Variants in CUX2 observed in about 807,000 individuals in gnomAD.
CUX2 encodes cut like homeobox 2.
CUX2 carries 40 observed loss-of-function variants against 144.8 expected under a neutral mutation model. That is an observed-to-expected ratio of 0.28 (90% CI 0.21 to 0.36). The LOEUF is 0.36. Ranked by LOEUF, CUX2 falls within the 10% of genes least tolerant of loss-of-function variation. CUX2 has a pLI of 1.00. For synonymous variants in CUX2, 827 were observed against 875.6 expected (o/e 0.94, Z 0.98); for missense variants, 1,615 against 1,994.0 (o/e 0.81, Z 3.62).
chr12:111,189,980 T>C (rs150985918), intron 1 of CUX2, among the ~76,000 whole-genome samples: 23 of 152,350 alleles, frequency 1.5e-4, no homozygotes, highest in South Asian at 8.3e-4. Context: ...CACATCCTTG[T>C]CAACACTTGG....
chr12:111,269,174 T>G (rs890157292), intron 4 of CUX2, among the ~76,000 whole-genome samples: 3 of 152,212 alleles, frequency 2.0e-5, no homozygotes, highest in African/African-American at 7.2e-5. Context: ...ACTATTCTCC[T>G]TATCATATAT....
At chr12:111,191,483 C>A (rs1217138407) in intron 1 of CUX2, among the ~76,000 whole-genome samples, 1 of 152,090 alleles carries the variant, frequency 6.6e-6, no homozygotes, top group Admixed American at 6.5e-5. Context: ...AGGCACACGC[C>A]ACCACGCCAG....
In CUX2 at chr12:111,068,602, G is replaced by T. The variant is rs1301535989; in HGVS notation, c.63+34362G>T. 6.6e-6 allele frequency among the ~76,000 whole-genome samples: 1 copy of T among 152,250 alleles called. No homozygotes were observed. The highest frequency in any genetic ancestry group is 2.4e-5 in the African/African-American group (1 of 41,472). On this transcript the variant is annotated intron_variant, in intron 1 of 21. Transcript: ENST00000261726. The surrounding 1 kb of genome is among the most constrained non-coding windows in gnomAD (Gnocchi z 4.9). ...AAAGCGATGCTGGTTTGAGCAGCTG[G>T]TGTTTTCTCCTGTGTTCCCGGCAGG...
chr12:111,136,533 G>GT (rs1875900157), intron 1 of CUX2, among the ~76,000 whole-genome samples: 1 of 152,202 alleles, frequency 6.6e-6, no homozygotes, highest in Admixed American at 6.5e-5. Context: ...GGGCCAGGAG[G>GT]TTTTGTGTCA....
In CUX2 at chr12:111,338,044, A is replaced by G. The variant is rs558905644; in HGVS notation, c.3197-242A>G. The stretch of plus-strand genomic sequence containing the variant: ...GTGAAACTCTGTCTCAAAAAAAGAA[A>G]AAAAAAAAAAGCTCTTTTGTTGGTT... On this transcript the variant is annotated intron_variant, in intron 19 of 21. Transcript: ENST00000261726. Among the ~76,000 whole-genome samples the G allele has an allele frequency of 4.6e-5, 7 of 152,144 alleles. 1 individual carries two copies. The East Asian group carries it at 1.4e-3, about 29-fold the overall frequency.
intron 1 of CUX2, among the ~76,000 whole-genome samples, chr12:111,210,648 T>G (rs1279579841): frequency 5.3e-5 from 8 of 151,880 alleles, no homozygotes; most frequent in Non-Finnish European, 8.8e-5. Flanking sequence ...AATGCAAAAA[T>G]TAGCTAGGCA....
At chr12:111,166,057 C>T (rs1878121396) in intron 1 of CUX2, among the ~76,000 whole-genome samples, 1 of 152,170 alleles carries the variant, frequency 6.6e-6, no homozygotes, top group African/African-American at 2.4e-5. Flanking sequence ...GTCTCGCTGT[C>T]ACCCAGGCTG....
intron 3 of CUX2, among the ~76,000 whole-genome samples, chr12:111,228,214 AGCACAGT>A (rs760155950): frequency 6.6e-6 from 1 of 152,162 alleles, no homozygotes; most frequent in Non-Finnish European, 1.5e-5. Context: ...AAGATAGTAT[AGCACAGT>A]GGTTAGGAGT....
At chr12:111,249,439 TTTTTTG>T (rs1423433989) in intron 3 of CUX2, among the ~76,000 whole-genome samples, 8 of 124,916 alleles carry the variant, frequency 6.4e-5, no homozygotes, top group African/African-American at 2.8e-4. Context: ...AATAGACCCT[TTTTTTG>T]TTTTTTTTTT....
At chr12:111,276,791 G>A (rs1884898665) in intron 4 of CUX2, among the ~76,000 whole-genome samples, 1 of 152,110 alleles carries the variant, frequency 6.6e-6, no homozygotes, top group South Asian at 2.1e-4. Context: ...GGGACTACAG[G>A]CGCGAGCCAC....
chr12:111,290,111 G>T (rs1192495000), intron 4 of CUX2, among the ~76,000 whole-genome samples: 3 of 152,196 alleles, frequency 2.0e-5, no homozygotes, highest in Admixed American at 2.0e-4. Context: ...TTGGAGGTCT[G>T]CAAGGCACAG....
Position 111,272,006 on chromosome 12 carries a change from G to A in CUX2, c.301+8167G>A, listed in dbSNP as rs148673548. Among the ~76,000 whole-genome samples, 4 of 152,260 alleles carry A rather than the reference G, an allele frequency of 2.6e-5. No homozygotes were observed. In the East Asian group the frequency reaches 7.7e-4, roughly 29 times the overall value. On this transcript the variant is annotated intron_variant, in intron 4 of 21. Transcript: ENST00000261726. ...TATTTGCAGAAAGCAAGAAATCTTAGCAAATCTTTGCTTTGTAGCTTCTGA... is the reference window on the plus strand; with the variant it reads ...TATTTGCAGAAAGCAAGAAATCTTAACAAATCTTTGCTTTGTAGCTTCTGA...
chr12:111,102,633 C>T (rs1765440787), intron 1 of CUX2, among the ~76,000 whole-genome samples: 2 of 152,174 alleles, frequency 1.3e-5, no homozygotes, highest in South Asian at 2.1e-4. Flanking sequence ...TGTAGAAACC[C>T]CTCAAAGTAA....
chr12:111,157,855 T>C (rs1486745197), intron 1 of CUX2, among the ~76,000 whole-genome samples: 1 of 152,118 alleles, frequency 6.6e-6, no homozygotes, highest in East Asian at 1.9e-4. Context: ...CCAGGAGATG[T>C]ATTTGAAGAG....
At chr12:111,183,018 G>C (rs775186399) in intron 1 of CUX2, among the ~76,000 whole-genome samples, 1 of 152,206 alleles carries the variant, frequency 6.6e-6, no homozygotes, top group Non-Finnish European at 1.5e-5. Context: ...CTTGGGAGGA[G>C]GTTATAATTC....
chr12:111,042,082 A>C (rs997321276), intron 1 of CUX2, among the ~76,000 whole-genome samples: 7 of 152,182 alleles, frequency 4.6e-5, no homozygotes, highest in Non-Finnish European at 1.0e-4. Flanking sequence ...ACAAAGAAAG[A>C]AAGAAAGAAA....
At chr12:111,220,601 T>A (rs1881793961) in intron 3 of CUX2, among the ~76,000 whole-genome samples, 1 of 151,548 alleles carries the variant, frequency 6.6e-6, no homozygotes, top group African/African-American at 2.4e-5. Context: ...CTCTGGCAAA[T>A]AAGGCTAACA....
rs766025413 is a variant in CUX2 at position 111,338,242 on chromosome 12, T to C, written c.3197-44T>C. On this transcript the variant is annotated intron_variant, in intron 19 of 21. Coordinates refer to ENST00000261726, the MANE Select transcript of CUX2 (RefSeq NM_015267.4). ...TGTCTCTCCTGGGAGTAGGCTTCTC[T>C]GCCCAGCCTCGGGTAACAGATTGCT... 25 of 1,549,566 alleles carry C rather than the reference T, an allele frequency of 1.6e-5. No individual in the cohort carries two copies. The East Asian group carries it at 3.8e-4, about 24-fold the overall frequency.
chr12:111,282,851 T>C (rs947963619), intron 4 of CUX2, among the ~76,000 whole-genome samples: 5 of 152,048 alleles, frequency 3.3e-5, no homozygotes, highest in Non-Finnish European at 7.4e-5. Flanking sequence ...ATGGGTCATT[T>C]AAATTAATGT....
Sources: gnomAD v4.1 joint callset for allele counts (sites outside exome capture counted in the v4.1 genomes callset) on GRCh38, gnomAD v4.1.1 for gene constraint, Gnocchi (gnomAD v3.1) non-coding constraint, MANE v1.5 for transcripts, NCBI Gene and HGNC (gene_info 2026-07-23, HGNC 2026-07-21) for gene names.